The following RFLNA variants were observed in gnomAD, a reference collection of about 807,000 sequenced individuals.
The protein encoded by RFLNA is refilin-A.
Under a neutral mutation model 7.8 loss-of-function variants are expected in RFLNA, and 5 were observed. The ratio of observed to expected loss-of-function variants is 0.64; its 90% CI spans 0.34 to 1.35. The LOEUF (loss-of-function observed/expected upper bound fraction) is 1.35, where lower values mean the gene tolerates loss of function less well. Ranked by LOEUF, RFLNA falls within the 40% of genes most tolerant of loss-of-function variation. The probability of loss-of-function intolerance (pLI) is 0.04; values close to 1 mark genes in which losing one functional copy is unlikely to be tolerated. For synonymous variants in RFLNA, 141 were observed against 131.3 expected (o/e 1.07, Z -0.50); for missense variants, 278 against 305.5 (o/e 0.91, Z 0.67).
rs1162920414 is a variant in RFLNA at position 124,306,690 on chromosome 12, G to GT, written c.208-5122dup. On this transcript the variant is annotated intron_variant, in intron 1 of 2. Transcript: ENST00000546355. The surrounding 1 kb of genome is among the most constrained non-coding windows in gnomAD (Gnocchi z 5.2). ...GTGCTGCCAGCAGCTGCGTGCTGGG[G>GT]TTTTTTATAAGGATCAGATGAGTAG... 2.0e-5 allele frequency among the ~76,000 whole-genome samples: 3 copies of GT among 152,160 alleles called. No homozygotes were observed. Among genetic ancestry groups the GT allele is most frequent in the Non-Finnish European group, 4.4e-5 (3 of 68,022 alleles).
At chr12:124,291,763 A>G (rs746083940), upstream of RFLNA, among the ~76,000 whole-genome samples, 1 of 151,238 alleles carries the variant, frequency 6.6e-6, no homozygotes, top group African/African-American at 2.4e-5. Context: ...TTCCTCGCAG[A>G]GTTGAGCTTC....
chr12:124,313,707 T>C (rs2034296453), intron 2 of RFLNA, among the ~76,000 whole-genome samples: 1 of 150,734 alleles, frequency 6.6e-6, no homozygotes, highest in East Asian at 1.9e-4. Flanking sequence ...TGCATGTGCC[T>C]CTCAAACAGA....
intron 1 of RFLNA, among the ~76,000 whole-genome samples, chr12:124,302,935 C>G (rs1446154470): frequency 1.3e-5 from 2 of 151,822 alleles, no homozygotes; most frequent in Non-Finnish European, 2.9e-5. Flanking sequence ...TCCCGCGGCC[C>G]GTGTGGGGCT....
At chr12:124,307,253 G>A (rs543439200) in intron 1 of RFLNA, among the ~76,000 whole-genome samples, 9 of 152,324 alleles carry the variant, frequency 5.9e-5, no homozygotes, top group South Asian at 2.1e-4. Context: ...CGCTGCGCAC[G>A]GTGCCCCACT....
intron 1 of RFLNA, among the ~76,000 whole-genome samples, chr12:124,300,896 ATGGATGGATGGGCAGAAGGG>A (rs2034024007): frequency 6.6e-6 from 1 of 150,686 alleles, no homozygotes. Flanking sequence ...AAATAGAAGG[ATGGATGGATGGGCAGAAGGG>A]TGGATGGATG....
Position 124,314,837 on chromosome 12 carries a change from C to A in RFLNA, c.*312C>A. 1.8e-6 allele frequency: 1 copy of A among 565,054 alleles called. No homozygotes were observed. Among genetic ancestry groups the A allele is most frequent in the Non-Finnish European group, 3.3e-6 (1 of 298,730 alleles). The allele number at this position is 565,054 out of a possible 1,614,324, so 35.0% of individuals were successfully genotyped here. ...CCAGGGTCAGGGGAAAAGAATGGGT[C>A]CATGGAGTGCCCTTGAAGCAGAGAA... On this transcript the variant is annotated 3_prime_UTR_variant, in exon 3 of 3. Transcript: ENST00000546355.
intron 1 of RFLNA, among the ~76,000 whole-genome samples, chr12:124,299,001 G>A (rs1294944939): frequency 1.3e-5 from 2 of 152,252 alleles, no homozygotes; most frequent in East Asian, 3.8e-4. Flanking sequence ...GACCACCGGA[G>A]GGCCGGGAGA....
chr12:124,296,894 G>C (rs552360146), intron 1 of RFLNA, among the ~76,000 whole-genome samples: 1 of 152,336 alleles, frequency 6.6e-6, no homozygotes, highest in African/African-American at 2.4e-5. Context: ...CACTATCTTA[G>C]ACCAAATCAT....
In RFLNA at chr12:124,306,107, G is replaced by T. The variant is rs999791607; in HGVS notation, c.208-5711G>T. Among the ~76,000 whole-genome samples the T allele has an allele frequency of 6.6e-6, 1 of 152,186 alleles. No individual in the cohort carries two copies. The highest frequency in any genetic ancestry group is 1.5e-5 in the Non-Finnish European group (1 of 68,046). ...TGGGCCCATACTCGGGGCTCTCTGG[G>T]TTGGGGCAGGGGCTGCTTTGCAGGT... On this transcript the variant is annotated intron_variant, in intron 1 of 2. Transcript: ENST00000546355. The surrounding 1 kb of genome is among the most constrained non-coding windows in gnomAD (Gnocchi z 5.2).
chr12:124,299,259 G>A (rs1001250428), intron 1 of RFLNA, among the ~76,000 whole-genome samples: 25 of 152,266 alleles, frequency 1.6e-4, no homozygotes, highest in African/African-American at 6.0e-4. Flanking sequence ...CCTGTCTCCT[G>A]CATGGCCCAG....
At chr12:124,291,496 A>G (rs939197605), upstream of RFLNA, among the ~76,000 whole-genome samples, 4 of 152,096 alleles carry the variant, frequency 2.6e-5, no homozygotes, top group African/African-American at 4.8e-5. Flanking sequence ...ACCTCAGTTG[A>G]TCCACGCACC....
In RFLNA at chr12:124,314,308, C is replaced by T. The variant is rs528216610; in HGVS notation, c.434C>T (p.Thr145Met). Residue 145 changes from threonine to methionine, a missense_variant, in exon 3 of 3, where the codon ACG (threonine) becomes ATG (methionine). Transcript: ENST00000546355. The stretch of plus-strand genomic sequence containing the variant: ...ACCATCGTGGCAGCACCCAACTGCA[C>T]GTGGCGCAACTACCGCAGCCAGCTG... ...SETIVAAPNC[T>M]WRNYRSQLTL... The T allele has an allele frequency of 4.3e-6, 7 of 1,613,514 alleles. No individual in the cohort carries two copies. The highest frequency in any genetic ancestry group is 1.3e-5 in the African/African-American group (1 of 75,076).
chr12:124,295,614 C>T lies in RFLNA; in HGVS notation c.185C>T (p.Pro62Leu), dbSNP rs1365229209. The change falls in exon 1 of 3, where the codon CCG becomes CTG. Residue 62 changes from proline (P) to leucine (L), a missense_variant. Physicochemically the swap from Pro to Leu is moderately conservative, Grantham distance 98 (BLOSUM62 -3). Coordinates refer to ENST00000546355, the MANE Select transcript of RFLNA (RefSeq NM_001365156.1). ...AGGAGASSEP[P>L]GPSEARAPPS... is the part of the protein sequence containing the mutation. ...GGCGCCGGCGCCTCCTCGGAGCCCC[C>T]GGGACCCAGCGAGGCCAGAGCGGTA... 4.9e-6 allele frequency: 6 copies of T among 1,236,050 alleles called. No individual in the cohort carries two copies. The East Asian group carries it at 1.3e-4, about 26-fold the overall frequency. 76.6% of individuals were successfully genotyped at this position (1,236,050 alleles called of 1,614,324 possible).
chr12:124,302,100 G>A (rs965545772), intron 1 of RFLNA, among the ~76,000 whole-genome samples: 2 of 152,142 alleles, frequency 1.3e-5, no homozygotes, highest in Non-Finnish European at 2.9e-5. Flanking sequence ...CCTCTTCTTA[G>A]AAAGACACCA....
chr12:124,291,450 T>A (rs1210233136), upstream of RFLNA, among the ~76,000 whole-genome samples: 1 of 151,970 alleles, frequency 6.6e-6, no homozygotes, highest in African/African-American at 2.4e-5. Flanking sequence ...AGAGACGGGG[T>A]TTCACCATGT....
At position 124,306,954 on chromosome 12, in the gene RFLNA, C is replaced by A. The variant is rs1006657218; in HGVS notation, c.208-4864C>A. Among the ~76,000 whole-genome samples, 18 of 152,170 alleles carry A rather than the reference C, an allele frequency of 1.2e-4. No homozygotes were observed. The highest frequency in any genetic ancestry group is 5.9e-5 in the Non-Finnish European group (4 of 68,014). Reference sequence around the variant, plus strand: ...GGTCACCATGGTTATAGGCTTGGCCCTCTGCGGCCCAGGCACGAGCACCAG... The same window carrying A: ...GGTCACCATGGTTATAGGCTTGGCCATCTGCGGCCCAGGCACGAGCACCAG... On this transcript the variant is annotated intron_variant, in intron 1 of 2. Coordinates refer to ENST00000546355, the MANE Select transcript of RFLNA (RefSeq NM_001365156.1). This position sits in a 1 kb window ranked among gnomAD's most constrained non-coding sequence, Gnocchi z 5.2.
intron 1 of RFLNA, among the ~76,000 whole-genome samples, chr12:124,299,227 C>T (rs145247535): frequency 4.5e-4 from 69 of 152,370 alleles, no homozygotes; most frequent in Non-Finnish European, 8.5e-4. Flanking sequence ...CAGTGTAGGG[C>T]GTGTCTCCAT....
intron 1 of RFLNA, among the ~76,000 whole-genome samples, chr12:124,309,923 C>G (rs1054093930): frequency 6.6e-6 from 1 of 152,136 alleles, no homozygotes; most frequent in Non-Finnish European, 1.5e-5. Context: ...AGTTCCAGCT[C>G]TTTGAGAGGC....
chr12:124,292,980 G>A (rs1007273162), upstream of RFLNA, among the ~76,000 whole-genome samples: 32 of 152,206 alleles, frequency 2.1e-4, no homozygotes, highest in African/African-American at 6.8e-4. Context: ...CTGGAGTGCA[G>A]TGGCATGACC....
Sources: allele counts gnomAD v4.1 joint callset (sites outside exome capture counted in the v4.1 genomes callset), GRCh38; gene constraint gnomAD v4.1.1; non-coding constraint Gnocchi (gnomAD v3.1); transcripts MANE v1.5; gene names NCBI Gene and HGNC (gene_info 2026-07-23, HGNC 2026-07-21).